RYR1: variants seen among roughly 807,000 people sequenced by gnomAD.
RYR1 encodes ryanodine receptor 1, also known as central core disease of muscle.
Under a neutral mutation model 583.5 loss-of-function variants are expected in RYR1, and 342 were observed. The observed-to-expected ratio is 0.59, with a 90% CI of 0.54 to 0.64. The LOEUF is 0.64. Among genes scored for constraint, RYR1 ranks in the 30% least tolerant of loss-of-function variants. The probability of loss-of-function intolerance (pLI) is 0.00; values close to 1 mark genes in which losing one functional copy is unlikely to be tolerated. For missense variants in RYR1, 6,032 were observed against 6,917.2 expected (o/e 0.87, Z 4.54); for synonymous variants, 2,791 against 2,822.5 (o/e 0.99, Z 0.35).
intron 2 of RYR1, among the ~76,000 whole-genome samples, chr19:38,441,326 TTTTTTA>T (rs1972671960): frequency 6.6e-6 from 1 of 151,066 alleles, no homozygotes; most frequent in African/African-American, 2.4e-5. Flanking sequence ...AGGGGTTTTA[TTTTTTA>T]TTTTTAAAAG....
intron 76 of RYR1, among the ~76,000 whole-genome samples, chr19:38,531,123 C>T (rs748684261): frequency 6.6e-6 from 1 of 151,908 alleles, no homozygotes; most frequent in African/African-American, 2.4e-5. Context: ...CACGAGCCAC[C>T]GCGCCCAGCC....
At chr19:38,582,157 G>A (rs370658520) in intron 101 of RYR1, among the ~76,000 whole-genome samples, 2 of 152,220 alleles carry the variant, frequency 1.3e-5, no homozygotes, top group African/African-American at 4.8e-5. Flanking sequence ...CAGCACTTTG[G>A]GGGGCTGAGG....
intron 75 of RYR1, 49 bp from the exon 76 acceptor site, chr19:38,528,902 A>T (rs373469105): frequency 4.1e-5 from 65 of 1,582,708 alleles, no homozygotes; most frequent in Non-Finnish European, 5.6e-5. Flanking sequence ...GGGCAGTGAC[A>T]GGAGGGGACT....
At position 38,440,750 on chromosome 19, in the gene RYR1, T is replaced by C; in HGVS notation, c.51T>C (p.Asp17=). ...EDEVQFLRTD[D]EVVLQCSATV... ...GCTGCCCCTCGGTTCCGCAGGACGA[T>C]GAGGTGGTCCTGCAGTGCAGCGCTA... is the stretch of plus-strand genomic sequence containing the variant. The change falls in exon 2 of 106, where the codon GAT becomes GAC. Residue 17 remains aspartate, a synonymous_variant. Coordinates refer to ENST00000359596, the MANE Select transcript of RYR1 (RefSeq NM_000540.3). 1 of 1,606,176 alleles carries C rather than the reference T, an allele frequency of 6.2e-7. No individual in the cohort carries two copies.
At chr19:38,559,021 G>A (rs150998933) in intron 89 of RYR1, among the ~76,000 whole-genome samples, 3,421 of 151,090 alleles carry the variant, frequency 0.023, 94 homozygotes, top group Admixed American at 0.073. Flanking sequence ...CCCAGGAGGC[G>A]GAGGCTGCAG....
chr19:38,533,835 G>C (rs559855097), intron 78 of RYR1, among the ~76,000 whole-genome samples: 1 of 151,586 alleles, frequency 6.6e-6, no homozygotes, highest in Admixed American at 6.6e-5. Flanking sequence ...CTATAATTGA[G>C]AAGTAGTGAT....
chr19:38,576,747 C>A (rs2084676833), intron 97 of RYR1, among the ~76,000 whole-genome samples: 1 of 151,782 alleles, frequency 6.6e-6, no homozygotes, highest in South Asian at 2.1e-4. Context: ...CTGCAGTGAG[C>A]CGAGATCGCG....
intron 13 of RYR1, among the ~76,000 whole-genome samples, chr19:38,453,680 T>A (rs1341167781): frequency 6.6e-6 from 1 of 151,166 alleles, no homozygotes; most frequent in Non-Finnish European, 1.5e-5. Flanking sequence ...GTGTTGGGGT[T>A]TTGCAGTTTA....
At chr19:38,529,419 G>C (rs1971632263) in intron 76 of RYR1, among the ~76,000 whole-genome samples, 1 of 152,190 alleles carries the variant, frequency 6.6e-6, no homozygotes, top group African/African-American at 2.4e-5. Context: ...GGCGGAGGTT[G>C]CAGTGAGCCG....
chr19:38,529,152 G>C, intron 76 of RYR1, 95 bp downstream of exon 76: 1 of 1,241,386 alleles, frequency 8.1e-7, no homozygotes, highest in African/African-American at 1.5e-5. Context: ...AGGCCCTCCA[G>C]GTCCTGGGGG....
chr19:38,490,680 A>G lies in RYR1; in HGVS notation c.6075A>G (p.Glu2025=). ...ATGAGGAAGACTGTCCTCTCCCTGA[A>G]GAGATTCGACAGGATTTGCTTGACT... The part of the protein sequence containing the change: ...GTDEEDCPLP[E]EIRQDLLDFH... The change falls in exon 37 of 106, where the codon GAA becomes GAG. Residue 2025 remains glutamate, a synonymous_variant. Coordinates refer to ENST00000359596, the MANE Select transcript of RYR1 (RefSeq NM_000540.3). The G allele has an allele frequency of 6.2e-7, 1 of 1,613,304 alleles. No individual in the cohort carries two copies. The highest frequency in any genetic ancestry group is 1.3e-5 in the African/African-American group (1 of 75,026).
chr19:38,506,074 C>A, intron 54 of RYR1, 128 bp downstream of exon 54: 1 of 1,290,734 alleles, frequency 7.7e-7, no homozygotes, highest in Non-Finnish European at 1.1e-6. Context: ...AAGAGGGGTG[C>A]AGAAACCTGA....
chr19:38,528,718 G>A, intron 75 of RYR1, 23 bp downstream of exon 75: 3 of 1,612,342 alleles, frequency 1.9e-6, no homozygotes, highest in Non-Finnish European at 2.5e-6. Context: ...CCGCCTGGGG[G>A]AGTGGGGGGC....
chr19:38,443,664 G>C, intron 4 of RYR1, 32 bp downstream of exon 4: 2 of 1,613,802 alleles, frequency 1.2e-6, no homozygotes, highest in Non-Finnish European at 1.7e-6. Context: ...GTGGGCAGGG[G>C]CCAGGGCATG....
chr19:38,476,942 G>A (rs1164774454), intron 29 of RYR1, among the ~76,000 whole-genome samples: 3 of 152,018 alleles, frequency 2.0e-5, no homozygotes, highest in Non-Finnish European at 4.4e-5. Flanking sequence ...GCCAAGGTGA[G>A]AGGATCACTT....
intron 9 of RYR1, 143 bp from the exon 10 acceptor site, chr19:38,448,212 G>T: frequency 5.4e-6 from 5 of 927,688 alleles, no homozygotes; most frequent in Admixed American, 2.3e-5. Flanking sequence ...TGGGAGGATT[G>T]CTTGAGCCCT....
At chr19:38,451,722 G>A in intron 11 of RYR1, 42 bp from the exon 12 acceptor site, 1 of 1,613,036 alleles carries the variant, frequency 6.2e-7, no homozygotes, top group East Asian at 2.2e-5. Context: ...CATGGCCCTG[G>A]GTGGCTGGGC....
chr19:38,581,043 C>T (rs556502248), intron 101 of RYR1, among the ~76,000 whole-genome samples: 54 of 151,898 alleles, frequency 3.6e-4, no homozygotes, highest in Middle Eastern at 3.4e-3. Flanking sequence ...GGACTACAGG[C>T]GCATGCCACC....
rs150566334 is a variant in RYR1 at position 38,549,875 on chromosome 19, T to TTGTGTGTGTG, written c.12282+1497_12282+1506dup. Among the ~76,000 whole-genome samples the TTGTGTGTGTG allele has an allele frequency of 4.0e-3, 486 of 122,234 alleles. 3 individuals are homozygous for TTGTGTGTGTG. Among genetic ancestry groups the TTGTGTGTGTG allele is most frequent in the African/African-American group, 7.2e-3 (231 of 31,946 alleles). 80.2% of individuals were successfully genotyped at this position (122,234 alleles called of 152,430 possible). On this transcript the variant is annotated intron_variant, in intron 89 of 105. Coordinates refer to ENST00000359596, the MANE Select transcript of RYR1 (RefSeq NM_000540.3). ...CACGCACCACCATGCCCAGCTAAAT[T>TTGTGTGTGTG]TGTGTGTGTGTGTGTGTGTGTGTGT...
Sources: gnomAD v4.1 joint callset for allele counts (sites outside exome capture counted in the v4.1 genomes callset) on GRCh38, gnomAD v4.1.1 for gene constraint, MANE v1.5 for transcripts, NCBI Gene and HGNC (gene_info 2026-07-23, HGNC 2026-07-21) for gene names.